LRRTM3: variants seen among roughly 807,000 people sequenced by gnomAD.
LRRTM3 encodes leucine rich repeat transmembrane neuronal 3, also known as leucine-rich repeat transmembrane neuronal protein 3.
In LRRTM3, 24 loss-of-function variants were observed where a neutral mutation model predicts 44.7. The ratio of observed to expected loss-of-function variants is 0.54; its 90% CI spans 0.39 to 0.76. LRRTM3 has a LOEUF of 0.76. Ranked by LOEUF, LRRTM3 falls within the 30% of genes least tolerant of loss-of-function variation. The probability of loss-of-function intolerance (pLI) is 0.00; values close to 1 mark genes in which losing one functional copy is unlikely to be tolerated. For missense variants in LRRTM3, 587 were observed against 702.2 expected, an observed-to-expected ratio of 0.84 and a Z score of 1.85; for synonymous variants, 277 against 278.7, an observed-to-expected ratio of 0.99 and a Z score of 0.06.
chr10:66,986,791 T>C (rs1161901732), intron 2 of LRRTM3, among the ~76,000 whole-genome samples: 3 of 152,118 alleles, frequency 2.0e-5, no homozygotes, highest in Admixed American at 6.6e-5. Context: ...AAATAACACA[T>C]ATGATAGTCA....
chr10:66,958,727 A>G (rs1848964247), intron 2 of LRRTM3, among the ~76,000 whole-genome samples: 1 of 152,100 alleles, frequency 6.6e-6, no homozygotes, highest in African/African-American at 2.4e-5. Context: ...AACACTCACT[A>G]TCCTACTACT....
chr10:67,014,495 C>A (rs1276332870), intron 2 of LRRTM3, among the ~76,000 whole-genome samples: 1 of 152,068 alleles, frequency 6.6e-6, no homozygotes, highest in African/African-American at 2.4e-5. Context: ...TTCTTCTAGA[C>A]AAAATTAGTT....
intron 2 of LRRTM3, among the ~76,000 whole-genome samples, chr10:67,053,975 AG>A (rs1029025297): frequency 3.3e-5 from 5 of 151,886 alleles, no homozygotes; most frequent in African/African-American, 1.2e-4. Flanking sequence ...CATATATCTT[AG>A]GAAAAGTAAC....
At chr10:67,014,419 A>G (rs997797929) in intron 2 of LRRTM3, among the ~76,000 whole-genome samples, 1 of 152,170 alleles carries the variant, frequency 6.6e-6, no homozygotes, top group Non-Finnish European at 1.5e-5. Context: ...TATATAACTT[A>G]AGAAATATCT....
intron 2 of LRRTM3, among the ~76,000 whole-genome samples, chr10:67,042,166 C>T (rs763683729): frequency 1.1e-4 from 17 of 152,014 alleles, no homozygotes; most frequent in Non-Finnish European, 2.1e-4. Context: ...TTTATGTATA[C>T]ATTAAAAAGA....
At chr10:66,950,744 G>T (rs543659732) in intron 2 of LRRTM3, among the ~76,000 whole-genome samples, 1 of 152,218 alleles carries the variant, frequency 6.6e-6, no homozygotes, top group Non-Finnish European at 1.5e-5. Context: ...CATTTATTCA[G>T]CTGCAACTAT....
intron 2 of LRRTM3, among the ~76,000 whole-genome samples, chr10:66,978,001 A>G (rs1223956850): frequency 6.6e-6 from 1 of 152,110 alleles, no homozygotes; most frequent in African/African-American, 2.4e-5. Flanking sequence ...AAGGTTGTAT[A>G]TAGAAATCCA....
intron 2 of LRRTM3, among the ~76,000 whole-genome samples, chr10:67,092,147 G>C (rs1477629067): frequency 1.3e-5 from 2 of 151,882 alleles, no homozygotes; most frequent in East Asian, 3.9e-4. Context: ...TTCACTGTAT[G>C]CAGATGATCA....
intron 2 of LRRTM3, among the ~76,000 whole-genome samples, chr10:66,985,721 T>C (rs1850691502): frequency 6.6e-6 from 1 of 152,044 alleles, no homozygotes; most frequent in Non-Finnish European, 1.5e-5. Flanking sequence ...TTTCTGTTTG[T>C]TTATTTGTTT....
At position 67,090,189 on chromosome 10, in the gene LRRTM3, G is replaced by C. The variant is rs370320114; in HGVS notation, c.1537-7398G>C. 1.6e-4 allele frequency among the ~76,000 whole-genome samples: 24 copies of C among 152,088 alleles called. 1 individual carries two copies. In the South Asian group the frequency reaches 3.9e-3, roughly 25 times the overall value. ...CTTAAGGTTCCTGTCCCCATCTTGA[G>C]TGTTTTCGAGATTGGACTCTTCTTT... is the stretch of plus-strand genomic sequence containing the variant. On this transcript the variant is annotated intron_variant, in intron 2 of 2. Transcript: ENST00000361320.
At chr10:66,930,077 G>T (rs1269867156) in intron 2 of LRRTM3, among the ~76,000 whole-genome samples, 1 of 152,020 alleles carries the variant, frequency 6.6e-6, no homozygotes, top group Non-Finnish European at 1.5e-5. Context: ...TTGTTTGGGG[G>T]TTTTTCATAT....
intron 2 of LRRTM3, among the ~76,000 whole-genome samples, chr10:67,018,911 G>T (rs1852820516): frequency 6.6e-6 from 1 of 152,100 alleles, no homozygotes; most frequent in African/African-American, 2.4e-5. Context: ...TAGCTAATCT[G>T]GCAAGTGGGT....
intron 2 of LRRTM3, among the ~76,000 whole-genome samples, chr10:66,935,631 A>T (rs1271338937): frequency 2.0e-5 from 3 of 151,892 alleles, no homozygotes; most frequent in Non-Finnish European, 4.4e-5. Flanking sequence ...CATGCCTAAA[A>T]AAATATATAT....
intron 2 of LRRTM3, among the ~76,000 whole-genome samples, chr10:66,987,144 G>A (rs1242879300): frequency 1.3e-5 from 2 of 152,168 alleles, no homozygotes; most frequent in Non-Finnish European, 2.9e-5. Context: ...AGCCACGTGC[G>A]TAGGTTTTGA....
chr10:67,080,911 A>G (rs1180394240), intron 2 of LRRTM3, among the ~76,000 whole-genome samples: 1 of 148,010 alleles, frequency 6.8e-6, no homozygotes, highest in Non-Finnish European at 1.5e-5. Context: ...TCTGTCTGAA[A>G]AAAAACAAAA....
chr10:66,974,132 C>T (rs1849889527), intron 2 of LRRTM3, among the ~76,000 whole-genome samples: 1 of 152,138 alleles, frequency 6.6e-6, no homozygotes, highest in Non-Finnish European at 1.5e-5. Context: ...TGATCTGTCT[C>T]TATCACCACA....
At position 66,926,470 on chromosome 10, in the gene LRRTM3, T is replaced by C. The variant is rs889630801; in HGVS notation, c.-114T>C. ...ATCTCCCAAGGGGTCCAATTTTTCT[T>C]CCTGGGTGTCAGCGAGCCCTGACTC... On this transcript the variant is annotated 5_prime_UTR_variant, in exon 1 of 3. Transcript: ENST00000361320. 9 of 1,240,176 alleles carry C rather than the reference T, an allele frequency of 7.3e-6. No individual in the cohort carries two copies. The highest frequency in any genetic ancestry group is 9.3e-6 in the Non-Finnish European group (8 of 863,692). 76.8% of individuals were successfully genotyped at this position (1,240,176 alleles called of 1,614,324 possible).
chr10:66,970,855 GTCCTTCTGT>G (rs1849683514), intron 2 of LRRTM3, among the ~76,000 whole-genome samples: 1 of 152,098 alleles, frequency 6.6e-6, no homozygotes. Flanking sequence ...CCTCTTGGTA[GTCCTTCTGT>G]TTTTCAAGAT....
At chr10:66,988,297 T>A (rs1366172280) in intron 2 of LRRTM3, among the ~76,000 whole-genome samples, 1 of 152,200 alleles carries the variant, frequency 6.6e-6, no homozygotes, top group Non-Finnish European at 1.5e-5. Flanking sequence ...AAGTTTTCTG[T>A]TTGTTTGAAT....
Sources: allele counts gnomAD v4.1 joint callset (sites outside exome capture counted in the v4.1 genomes callset), GRCh38; gene constraint gnomAD v4.1.1; transcripts MANE v1.5; gene names NCBI Gene and HGNC (gene_info 2026-07-23, HGNC 2026-07-21).